TENM1: variants seen among roughly 807,000 people sequenced by gnomAD.
TENM1 encodes teneurin transmembrane protein 1, also known as teneurin-1.
TENM1 carries 35 observed loss-of-function variants against 174.8 expected under a neutral mutation model. That is an observed-to-expected ratio of 0.20 (90% CI 0.15 to 0.27). The LOEUF (loss-of-function observed/expected upper bound fraction) is 0.27. Among genes scored for constraint, TENM1 ranks in the 10% least tolerant of loss-of-function variants. The pLI is 1.00. For synonymous variants in TENM1, 781 were observed against 798.7 expected, an observed-to-expected ratio of 0.98 and a Z score of 0.37; for missense variants, 1,633 against 2,130.1, an observed-to-expected ratio of 0.77 and a Z score of 4.59.
chrX:125,149,366 G>C, the TENM1 span, among the ~76,000 whole-genome samples: 1 of 111,623 alleles, frequency 9.0e-6, no homozygotes. Flanking sequence ...ATGGCACATT[G>C]TATCTATCTA....
intron 14 of TENM1, among the ~76,000 whole-genome samples, chrX:124,560,320 G>A (rs1047038151): frequency 2.5e-4 from 27 of 108,698 alleles, no homozygotes; most frequent in Non-Finnish European, 1.9e-5. Context: ...GACAGTGTGT[G>A]TCTAATTATT....
intron 8 of TENM1, among the ~76,000 whole-genome samples, chrX:124,647,734 T>G (rs904145860): frequency 9.2e-6 from 1 of 108,897 alleles, no homozygotes; most frequent in African/African-American, 3.4e-5. Context: ...TTTTGTGGTG[T>G]GTGTGTGTGT....
chrX:125,110,222 C>T, the TENM1 span, among the ~76,000 whole-genome samples: 30 of 111,355 alleles, frequency 2.7e-4, no homozygotes, highest in Admixed American at 2.5e-3. Context: ...GGTTAAATAA[C>T]TTGCCAAACG....
At chrX:124,809,845 A>AGAGC (rs1174084269) in intron 3 of TENM1, among the ~76,000 whole-genome samples, 2 of 90,705 alleles carry the variant, frequency 2.2e-5, no homozygotes, top group East Asian at 6.4e-4. Flanking sequence ...TGACAGCAGG[A>AGAGC]GAGAGAGAGA....
chrX:124,825,807 C>T (rs1374767691), intron 3 of TENM1, among the ~76,000 whole-genome samples: 4 of 111,485 alleles, frequency 3.6e-5, no homozygotes, highest in African/African-American at 1.3e-4. Context: ...AGGATGTAGC[C>T]GTCAGGTGTG....
intron 11 of TENM1, among the ~76,000 whole-genome samples, chrX:124,572,314 C>G (rs940076311): frequency 8.1e-5 from 9 of 111,665 alleles, no homozygotes; most frequent in African/African-American, 1.9e-4. Context: ...TACTTTCACA[C>G]ATTTCATAAT....
At chrX:124,886,393 A>C (rs2057384090) in intron 3 of TENM1, among the ~76,000 whole-genome samples, 1 of 109,689 alleles carries the variant, frequency 9.1e-6, no homozygotes, top group African/African-American at 3.3e-5. Flanking sequence ...TATATATTAC[A>C]CATATGCATA....
chrX:124,878,581 C>G (rs2057249061), intron 3 of TENM1, among the ~76,000 whole-genome samples: 1 of 110,281 alleles, frequency 9.1e-6, no homozygotes, highest in Non-Finnish European at 1.9e-5. Context: ...ATGTGACACT[C>G]TAGCTCCCCT....
intron 1 of TENM1, among the ~76,000 whole-genome samples, chrX:124,928,259 A>G (rs1045593318): frequency 8.9e-6 from 1 of 111,818 alleles, no homozygotes; most frequent in African/African-American, 3.2e-5. Flanking sequence ...CATCCATCTA[A>G]GTTATTTTGG....
chrX:124,450,376 AAT>A (rs2061020818), intron 23 of TENM1, among the ~76,000 whole-genome samples: 1 of 108,709 alleles, frequency 9.2e-6, no homozygotes, highest in African/African-American at 3.3e-5. Context: ...AAAAAAAAAA[AAT>A]GGGAGTTTCC....
At chrX:124,663,751 GT>G (rs60541515) in intron 6 of TENM1, among the ~76,000 whole-genome samples, 6,171 of 93,807 alleles carry the variant, frequency 0.066, 432 homozygotes, top group African/African-American at 0.2. Flanking sequence ...GTGTGTATTA[GT>G]TTTTTTTTTT....
chrX:124,564,195 G>C (rs1418334173), intron 12 of TENM1, among the ~76,000 whole-genome samples: 1 of 111,419 alleles, frequency 9.0e-6, no homozygotes. Context: ...TGTAGTACAG[G>C]AATGTAATTA....
At chrX:124,464,927 G>C (rs928564237) in intron 22 of TENM1, among the ~76,000 whole-genome samples, 4 of 111,760 alleles carry the variant, frequency 3.6e-5, no homozygotes, top group African/African-American at 1.3e-4. Flanking sequence ...TCCTTGTCTT[G>C]ATTGAGATTG....
intron 3 of TENM1, among the ~76,000 whole-genome samples, chrX:124,786,086 A>G (rs900135709): frequency 8.1e-5 from 9 of 111,439 alleles, no homozygotes; most frequent in Admixed American, 5.7e-4. Flanking sequence ...TAGAAAATAT[A>G]CATCGTAAGA....
intron 3 of TENM1, among the ~76,000 whole-genome samples, chrX:124,878,063 G>C (rs2057239397): frequency 9.0e-6 from 1 of 111,276 alleles, no homozygotes; most frequent in Non-Finnish European, 1.9e-5. Context: ...TCTCAGGGAT[G>C]GCCAAGGCAG....
chrX:124,403,520 CAA>C (rs200809417), intron 27 of TENM1, among the ~76,000 whole-genome samples: 5 of 76,152 alleles, frequency 6.6e-5, no homozygotes, highest in Admixed American at 1.6e-4. Context: ...ACTCTTGTCT[CAA>C]AAAAAAAAAA....
At chrX:124,756,283 G>A (rs1206226304) in intron 3 of TENM1, among the ~76,000 whole-genome samples, 53 of 102,242 alleles carry the variant, frequency 5.2e-4, no homozygotes, top group Non-Finnish European at 9.3e-4. Flanking sequence ...TGATCGCATC[G>A]GCTCCTGAGG....
intron 23 of TENM1, among the ~76,000 whole-genome samples, chrX:124,424,447 T>G (rs1367766570): frequency 8.9e-6 from 1 of 112,213 alleles, no homozygotes; most frequent in Non-Finnish European, 1.9e-5. Flanking sequence ...AGTGGTAGTT[T>G]TATATCCATT....
the TENM1 span, among the ~76,000 whole-genome samples, chrX:124,978,324 G>T: frequency 8.9e-6 from 1 of 111,738 alleles, no homozygotes; most frequent in African/African-American, 3.2e-5. Flanking sequence ...TCTGCTAATT[G>T]CAAAAGCTGG....
Sources: allele counts gnomAD v4.1 joint callset (sites outside exome capture counted in the v4.1 genomes callset), GRCh38; gene constraint gnomAD v4.1.1; transcripts MANE v1.5; gene names NCBI Gene and HGNC (gene_info 2026-07-23, HGNC 2026-07-21).